The following AFTPH variants were observed in gnomAD, a reference collection of about 807,000 sequenced individuals.
AFTPH encodes the protein aftiphilin protein.
AFTPH carries 7 observed loss-of-function variants against 72.5 expected under a neutral mutation model. The observed-to-expected ratio is 0.10, with a 90% CI of 0.05 to 0.18. The LOEUF is 0.18. AFTPH is among the 10% of genes least tolerant of loss of function. AFTPH has a pLI of 1.00. For synonymous variants in AFTPH, 337 were observed against 370.1 expected (o/e 0.91, Z 1.03); for missense variants, 979 against 1,060.5 (o/e 0.92, Z 1.07).
At chr2:64,539,898 GAGA>G (rs1170900241) in intron 1 of AFTPH, among the ~76,000 whole-genome samples, 1 of 152,090 alleles carries the variant, frequency 6.6e-6, no homozygotes, top group African/African-American at 2.4e-5. Flanking sequence ...TGGTGAGGAG[GAGA>G]AGAGCTAGGG....
intron 2 of AFTPH, among the ~76,000 whole-genome samples, chr2:64,556,224 G>GTGATC (rs1671364005): frequency 6.6e-6 from 1 of 152,162 alleles, no homozygotes; most frequent in African/African-American, 2.4e-5. Flanking sequence ...CTGACCTCAG[G>GTGATC]TGATCCACCC....
intron 1 of AFTPH, among the ~76,000 whole-genome samples, chr2:64,525,342 A>G (rs142315704): frequency 3.9e-5 from 6 of 152,276 alleles, no homozygotes; most frequent in Admixed American, 3.3e-4. Flanking sequence ...TTGCTCTATT[A>G]GGAAAGTAAT....
At chr2:64,549,308 C>CTTTTTTTTTTTTTTTT (rs34951706) in intron 1 of AFTPH, among the ~76,000 whole-genome samples, 2 of 56,026 alleles carry the variant, frequency 3.6e-5, no homozygotes, top group African/African-American at 1.2e-4. Context: ...TTAGTCCTCC[C>CTTTTTTTTTTTTTTTT]TTTTTTTTTT....
rs189000383 is a variant in AFTPH at position 64,581,253 on chromosome 2, G to A, written c.2455+1707G>A. ...GGGCCCGTGGATGACAGTAGCTCTA[G>A]CAGCAGCACCACAATCCCAGGTCAG... On this transcript the variant is annotated intron_variant, in intron 7 of 8. Coordinates refer to ENST00000238856, the Ensembl canonical transcript of AFTPH. 353 of 1,598,700 alleles carry A rather than the reference G, an allele frequency of 2.2e-4. 2 individuals are homozygous for A. The East Asian group carries it at 7.7e-3, about 35-fold the overall frequency.
Position 64,569,236 on chromosome 2 carries a change from T to C in AFTPH, c.2214+18T>C. ...GAAACATTGTGAGTTTGTTAGTACC[T>C]TGAAAAATCTTTTAATCAACCTGTG... On this transcript the variant is annotated intron_variant, in intron 4 of 8. Coordinates refer to ENST00000238856, the Ensembl canonical transcript of AFTPH. 1.3e-6 allele frequency: 2 copies of C among 1,595,080 alleles called. No homozygotes were observed. Among genetic ancestry groups the C allele is most frequent in the South Asian group, 1.1e-5 (1 of 88,986 alleles).
chr2:64,591,844 C>T (rs1388154511), intron 8 of AFTPH, 44 bp from the exon 10 acceptor site: 11 of 1,603,532 alleles, frequency 6.9e-6, no homozygotes, highest in African/African-American at 1.3e-5. Context: ...TTACCTACAG[C>T]AAAGTCACAT....
At chr2:64,560,264 C>G (rs1256241752) in intron 2 of AFTPH, among the ~76,000 whole-genome samples, 2 of 152,042 alleles carry the variant, frequency 1.3e-5, no homozygotes, top group African/African-American at 4.8e-5. Flanking sequence ...GACATAAAGA[C>G]ATGACAGAAC....
intron 5 of AFTPH, among the ~76,000 whole-genome samples, chr2:64,571,392 C>A (rs369664563): frequency 6.6e-6 from 1 of 152,174 alleles, no homozygotes; most frequent in Non-Finnish European, 1.5e-5. Context: ...TTAAAGTGAT[C>A]GTTCAAATTA....
intron 1 of AFTPH, among the ~76,000 whole-genome samples, chr2:64,536,943 C>G (rs1027972592): frequency 9.2e-6 from 1 of 109,084 alleles, no homozygotes; most frequent in Non-Finnish European, 1.7e-5. Flanking sequence ...AAGAAGGAGA[C>G]TCTGTCTCAA....
chr2:64,541,804 T>C (rs1271353384), intron 1 of AFTPH, among the ~76,000 whole-genome samples: 1 of 152,230 alleles, frequency 6.6e-6, no homozygotes, highest in Admixed American at 6.5e-5. Flanking sequence ...TTTTTTGTTT[T>C]TTCCTTCACT....
chr2:64,542,415 A>G (rs539279388), intron 1 of AFTPH, among the ~76,000 whole-genome samples: 1 of 152,258 alleles, frequency 6.6e-6, no homozygotes, highest in African/African-American at 2.4e-5. Flanking sequence ...CACCTTCTAA[A>G]TTCTTGTGGT....
chr2:64,573,523 C>A (rs749449316), intron 6 of AFTPH, among the ~76,000 whole-genome samples: 1 of 151,834 alleles, frequency 6.6e-6, no homozygotes, highest in Non-Finnish European at 1.5e-5. Context: ...TTCTGGAATC[C>A]TGTGAAATTT....
chr2:64,576,263 A>C (rs988838031), intron 6 of AFTPH, among the ~76,000 whole-genome samples: 1 of 151,510 alleles, frequency 6.6e-6, no homozygotes, highest in Non-Finnish European at 1.5e-5. Flanking sequence ...ACATCTTCCT[A>C]CGCCCCTAGC....
chr2:64,570,497 ATTTGT>A (rs1672348355), intron 5 of AFTPH, among the ~76,000 whole-genome samples: 1 of 152,180 alleles, frequency 6.6e-6, no homozygotes, highest in East Asian at 1.9e-4. Context: ...GAACATTTTG[ATTTGT>A]TTTGTGGGAT....
intron 1 of AFTPH, among the ~76,000 whole-genome samples, chr2:64,550,885 A>G (rs745960426): frequency 6.6e-6 from 1 of 152,200 alleles, no homozygotes; most frequent in African/African-American, 2.4e-5. Flanking sequence ...TTGTATTTCC[A>G]ACTTTTTTTG....
chr2:64,532,664 T>A (rs1463840516), intron 1 of AFTPH, among the ~76,000 whole-genome samples: 1 of 152,232 alleles, frequency 6.6e-6, no homozygotes, highest in East Asian at 1.9e-4. Context: ...TCTGTTCTTG[T>A]TAAGCTCAGT....
At chr2:64,536,826 A>G (rs750331925) in intron 1 of AFTPH, among the ~76,000 whole-genome samples, 7 of 151,466 alleles carry the variant, frequency 4.6e-5, no homozygotes, top group Admixed American at 1.3e-4. Context: ...GGTGGTGTAC[A>G]CCTGTAGTCC....
At chr2:64,558,524 C>T (rs564150141) in intron 2 of AFTPH, among the ~76,000 whole-genome samples, 2 of 152,170 alleles carry the variant, frequency 1.3e-5, no homozygotes, top group Admixed American at 6.5e-5. Flanking sequence ...TAATTACTTA[C>T]CCAGTTTTTG....
chr2:64,543,696 A>G (rs139320541), intron 1 of AFTPH, among the ~76,000 whole-genome samples: 43 of 152,310 alleles, frequency 2.8e-4, no homozygotes, highest in Middle Eastern at 3.4e-3. Context: ...GCAAGTCTTG[A>G]TATCAGGTAG....
Sources: gnomAD v4.1 joint callset for allele counts (sites outside exome capture counted in the v4.1 genomes callset) on GRCh38, gnomAD v4.1.1 for gene constraint, MANE v1.5 for transcripts, NCBI Gene and HGNC (gene_info 2026-07-23, HGNC 2026-07-21) for gene names.